ST6GALNAC1: variants seen among roughly 807,000 people sequenced by gnomAD.
ST6GALNAC1 encodes the protein ST6 N-acetylgalactosaminide alpha-2,6-sialyltransferase 1.
ST6GALNAC1 carries 45 observed loss-of-function variants against 56.8 expected under a neutral mutation model. The observed-to-expected ratio is 0.79, with a 90% confidence interval of 0.62 to 1.02. The LOEUF (loss-of-function observed/expected upper bound fraction) is 1.02, where lower values mean the gene tolerates loss of function less well. ST6GALNAC1 is among the 50% of genes least tolerant of loss of function. The pLI is 0.00. For synonymous variants in ST6GALNAC1, 295 were observed against 297.8 expected (o/e 0.99, Z 0.10); for missense variants, 743 against 754.8 (o/e 0.98, Z 0.18).
chr17:76,630,510 A>G (rs2075876669), intron 1 of ST6GALNAC1, among the ~76,000 whole-genome samples: 1 of 151,978 alleles, frequency 6.6e-6, no homozygotes, highest in Non-Finnish European at 1.5e-5. Context: ...AAACTTCCCA[A>G]GGGTGTTAGG....
chr17:76,638,409 C>T (rs1031700334), intron 1 of ST6GALNAC1, among the ~76,000 whole-genome samples: 2 of 151,742 alleles, frequency 1.3e-5, no homozygotes, highest in African/African-American at 4.8e-5. Flanking sequence ...CAGAGTCTTG[C>T]TGTGTCACCC....
At chr17:76,624,660 A>T (rs2075771585), downstream of ST6GALNAC1, 1 of 152,502 alleles carries the variant, frequency 6.6e-6, no homozygotes, top group Non-Finnish European at 1.5e-5. Flanking sequence ...AATTCTCGTC[A>T]TGGGGGTTTG....
intron 1 of ST6GALNAC1, chr17:76,637,534 A>C (rs542828444): frequency 2.5e-6 from 1 of 394,766 alleles, no homozygotes; most frequent in Non-Finnish European, 4.5e-6. Flanking sequence ...TCATACAATT[A>C]TGTAAGCTTT....
In ST6GALNAC1 at chr17:76,629,176, C is replaced by T. The variant is rs376302333; in HGVS notation, c.667G>A (p.Val223Ile). Residue 223 changes from valine to isoleucine, a missense_variant, in exon 2 of 9, where the codon GTC becomes ATC. By Grantham distance (29) the Val-to-Ile change is conservative. Transcript: ENST00000156626. ...GGTTTCTTCTCCTTAGGTGGGATGA[C>T]TGCTGTGGTCACTCCTTTCTGTCTC... is the stretch of plus-strand genomic sequence containing the variant. ...RTRQKGVTTA[V>I]IPPKEKKPQA... 1.9e-6 allele frequency: 3 copies of T among 1,614,024 alleles called. No homozygotes were observed. The African/African-American group carries it at 4.0e-5, about 22-fold the overall frequency.
rs1484259519 is a variant in ST6GALNAC1 at position 76,627,056 on chromosome 17, G to A, written c.1172+11C>T. ...GGGGCTGGAGAGGGAGCTTGGGTGG[G>A]GACAGCTTACCGGAACACGTAGTCG... On this transcript the variant is annotated intron_variant, in intron 4 of 8. Coordinates refer to ENST00000156626, the MANE Select transcript of ST6GALNAC1 (RefSeq NM_018414.5). This position sits in a 1 kb window ranked among gnomAD's most constrained non-coding sequence, Gnocchi z 4.4. The A allele has an allele frequency of 6.5e-7, 1 of 1,539,208 alleles. No individual in the cohort carries two copies. Among genetic ancestry groups the A allele is most frequent in the Non-Finnish European group, 8.7e-7 (1 of 1,143,714 alleles).
intron 1 of ST6GALNAC1, among the ~76,000 whole-genome samples, chr17:76,642,210 CTCTA>C (rs1223676867): frequency 8.4e-6 from 1 of 119,450 alleles, no homozygotes; most frequent in Non-Finnish European, 1.7e-5. Context: ...CTCTCTCTCT[CTCTA>C]TCTGCCTATC....
Position 76,626,399 on chromosome 17 carries a change from A to T in ST6GALNAC1, c.1312-7T>A, listed in dbSNP as rs758759235. 6.2e-7 allele frequency: 1 copy of T among 1,613,714 alleles called. No homozygotes were observed. Among genetic ancestry groups the T allele is most frequent in the Non-Finnish European group, 8.5e-7 (1 of 1,179,828 alleles). On this transcript the variant is annotated splice_region_variant and splice_polypyrimidine_tract_variant and intron_variant, in intron 5 of 8. Coordinates refer to ENST00000156626, the MANE Select transcript of ST6GALNAC1 (RefSeq NM_018414.5). Reference sequence around the variant, plus strand: ...AGTGCAAGTAGCGGACGTCCTGAGGACCAAGGACAGGGAGTGGTCCAAAAG... The same window carrying T: ...AGTGCAAGTAGCGGACGTCCTGAGGTCCAAGGACAGGGAGTGGTCCAAAAG...
Position 76,643,739 on chromosome 17 carries a change from C to T in ST6GALNAC1, c.-101G>A, listed in dbSNP as rs992534690. On this transcript the variant is annotated 5_prime_UTR_variant, in exon 1 of 9. In the 5' UTR this introduces an upstream ATG that the reference lacks. Transcript: ENST00000156626. ...TCAGGTTTCCTGGCCAGGAAGTGCA[C>T]ACCCTTTGTCTTAACAATGAGCCAC... 11 of 1,224,154 alleles carry T rather than the reference C, an allele frequency of 9.0e-6. No individual in the cohort carries two copies. The highest frequency in any genetic ancestry group is 7.3e-5 in the East Asian group (3 of 41,044). The allele number at this position is 1,224,154 out of a possible 1,614,324, so 75.8% of individuals were successfully genotyped here.
chr17:76,637,533 T>G (rs1567961479), intron 1 of ST6GALNAC1: 1 of 394,406 alleles, frequency 2.5e-6, no homozygotes, highest in Non-Finnish European at 4.5e-6. Context: ...ATCATACAAT[T>G]ATGTAAGCTT....
intron 1 of ST6GALNAC1, among the ~76,000 whole-genome samples, chr17:76,641,081 A>T (rs2076042303): frequency 6.6e-6 from 1 of 152,224 alleles, no homozygotes; most frequent in Non-Finnish European, 1.5e-5. Flanking sequence ...GTCACTAGGC[A>T]GATAAACTCA....
In ST6GALNAC1 at chr17:76,625,684, C is replaced by A. The variant is rs947688167; in HGVS notation, c.1605+135G>T. The A allele has an allele frequency of 5.4e-6, 6 of 1,116,968 alleles. No individual in the cohort carries two copies. In the African/African-American group the frequency reaches 7.9e-5, roughly 15 times the overall value. The allele number at this position is 1,116,968 out of a possible 1,614,324, so 69.2% of individuals were successfully genotyped here. Reference sequence around the variant, plus strand: ...CTGGATACGCACGCATAACTGCATGCACCCATACTCATGCCCACCCTCTTT... The same window carrying A: ...CTGGATACGCACGCATAACTGCATGAACCCATACTCATGCCCACCCTCTTT... On this transcript the variant is annotated intron_variant, in intron 8 of 8. Coordinates refer to ENST00000156626, the MANE Select transcript of ST6GALNAC1 (RefSeq NM_018414.5).
chr17:76,638,308 A>C (rs1174767594), intron 1 of ST6GALNAC1, among the ~76,000 whole-genome samples: 1 of 152,154 alleles, frequency 6.6e-6, no homozygotes, highest in Admixed American at 6.5e-5. Flanking sequence ...CACTGAACAA[A>C]TGATGCACGT....
In ST6GALNAC1 at chr17:76,627,519, G is replaced by C. The variant is rs777867003; in HGVS notation, c.896C>G (p.Pro299Arg). 1 of 1,614,162 alleles carries C rather than the reference G, an allele frequency of 6.2e-7. No homozygotes were observed. Among genetic ancestry groups the C allele is most frequent in the South Asian group, 1.1e-5 (1 of 91,078 alleles). The change falls in exon 3 of 9, where the codon CCC (proline) becomes CGC (arginine). Residue 299 changes from proline (P) to arginine (R), a missense_variant. Coordinates refer to ENST00000156626, the MANE Select transcript of ST6GALNAC1 (RefSeq NM_018414.5). This position sits in a 1 kb window ranked among gnomAD's most constrained non-coding sequence, Gnocchi z 4.4. ...KSLWLQKLFL[P>R]NLTLFLDSRH... is the part of the protein sequence containing the mutation. ...GGAGTCCAGGAAGAGAGTGAGGTTG[G>C]GCAGAAAGAGTTTCTGGAGCCACAG...
rs1453796384 is a variant in ST6GALNAC1, at chr17:76,626,801, G to T, written c.1173-12C>A. ...GAGCTCCGCTCAATCTGTGCAGAAAGACACAATCAGACGGGACAGGTGAGC... is the reference window on the plus strand; with the variant it reads ...GAGCTCCGCTCAATCTGTGCAGAAATACACAATCAGACGGGACAGGTGAGC... On this transcript the variant is annotated splice_polypyrimidine_tract_variant and intron_variant, in intron 4 of 8. Coordinates refer to ENST00000156626, the MANE Select transcript of ST6GALNAC1 (RefSeq NM_018414.5). 3.7e-6 allele frequency: 6 copies of T among 1,614,000 alleles called. No individual in the cohort carries two copies. In the African/African-American group the frequency reaches 6.7e-5, roughly 18 times the overall value.
At chr17:76,621,812 T>C (rs1444808232), downstream of ST6GALNAC1, among the ~76,000 whole-genome samples, 4 of 152,156 alleles carry the variant, frequency 2.6e-5, no homozygotes, top group Non-Finnish European at 4.4e-5. Flanking sequence ...CCCTTTTCTG[T>C]CTATAAGTAC....
chr17:76,627,018 AG>A lies in ST6GALNAC1; in HGVS notation c.1172+48del, dbSNP rs747564450. The A allele has an allele frequency of 2.4e-5, 26 of 1,063,132 alleles. No individual in the cohort carries two copies. The Admixed American group carries it at 1.4e-3, about 58-fold the overall frequency. The allele number at this position is 1,063,132 out of a possible 1,614,324, so 65.9% of individuals were successfully genotyped here. A position where few individuals can be genotyped will look rare whatever the true frequency, so the allele number is the denominator to read the frequency against. On this transcript the variant is annotated intron_variant, in intron 4 of 8. Transcript: ENST00000156626. The surrounding 1 kb of genome is among the most constrained non-coding windows in gnomAD (Gnocchi z 4.4). The stretch of plus-strand genomic sequence containing the variant: ...AAGAGAGGGGCTGGAGGGGGGCTGG[AG>A]GGGGCAGGAGAGGGGCTGGAGAGGG...
At position 76,626,335 on chromosome 17, in the gene ST6GALNAC1, G is replaced by A; in HGVS notation, c.1369C>T (p.Leu457=). ...GACATCACCGTCTGATTCATAAGCAGTGCTTCCAGCCACTCATAGTCCCGG... is the reference window on the plus strand; with the variant it reads ...GACATCACCGTCTGATTCATAAGCAATGCTTCCAGCCACTCATAGTCCCGG... ...GTRDYEWLEA[L]LMNQTVMSKN... Residue 457 remains leucine (L), a synonymous_variant, in exon 6 of 9, where the codon CTG becomes TTG. Coordinates refer to ENST00000156626, the MANE Select transcript of ST6GALNAC1 (RefSeq NM_018414.5). 6.2e-7 allele frequency: 1 copy of A among 1,614,206 alleles called. No homozygotes were observed. Among genetic ancestry groups the A allele is most frequent in the Non-Finnish European group, 8.5e-7 (1 of 1,180,034 alleles).
rs2143409286 is a variant in ST6GALNAC1 at position 76,625,378 on chromosome 17, G to T, written c.1755C>A (p.Ile585=). 6.2e-7 allele frequency: 1 copy of T among 1,614,066 alleles called. No individual in the cohort carries two copies. The highest frequency in any genetic ancestry group is 2.2e-5 in the East Asian group (1 of 44,890). Residue 585 remains isoleucine, a synonymous_variant, in exon 9 of 9, where the codon ATC becomes ATA. Coordinates refer to ENST00000156626, the MANE Select transcript of ST6GALNAC1 (RefSeq NM_018414.5). Reference sequence around the variant, plus strand: ...CGGGACCAGGACGCTGGTACAGCCGGATTATCCCTTCATCGTGTAGCCGCT... The same window carrying T: ...CGGGACCAGGACGCTGGTACAGCCGTATTATCCCTTCATCGTGTAGCCGCT... ...VWKRLHDEGI[I]RLYQRPGPGT... is the part of the protein sequence containing the mutation.
At chr17:76,630,569 TC>T (rs1437032196) in intron 1 of ST6GALNAC1, among the ~76,000 whole-genome samples, 2 of 150,712 alleles carry the variant, frequency 1.3e-5, no homozygotes, top group Non-Finnish European at 3.0e-5. Flanking sequence ...CAGGGATCCT[TC>T]CTCCTTGAAA....
Sources: gnomAD v4.1 joint callset for allele counts (sites outside exome capture counted in the v4.1 genomes callset) on GRCh38, gnomAD v4.1.1 for gene constraint, Gnocchi (gnomAD v3.1) non-coding constraint, MANE v1.5 for transcripts, NCBI Gene and HGNC (gene_info 2026-07-23, HGNC 2026-07-21) for gene names.